GIMAP8: variants seen among roughly 807,000 people sequenced by gnomAD.
The protein encoded by GIMAP8 is GTPase, IMAP family member 8.
A neutral mutation model predicts 35.6 loss-of-function variants in GIMAP8; 29 were observed. That is an observed-to-expected ratio of 0.81 (90% CI 0.61 to 1.11). The LOEUF (loss-of-function observed/expected upper bound fraction) is 1.11, where lower values mean the gene tolerates loss of function less well. Ranked by LOEUF, GIMAP8 falls within the 50% of genes most tolerant of loss-of-function variation. The pLI, the probability that GIMAP8 is intolerant of heterozygous loss-of-function variation, is 0.00. For synonymous variants in GIMAP8, 335 were observed against 308.7 expected (o/e 1.09, Z -0.89); for missense variants, 811 against 805.0 (o/e 1.01, Z -0.09).
intron 1 of GIMAP8, among the ~76,000 whole-genome samples, chr7:150,465,955 G>A (rs759127178): frequency 2.0e-5 from 3 of 152,278 alleles, no homozygotes; most frequent in Middle Eastern, 3.4e-3. Context: ...GACTCAGAAT[G>A]GTTAAGTGGC....
At chr7:150,458,481 C>T (rs1211763846) in intron 1 of GIMAP8, among the ~76,000 whole-genome samples, 1 of 152,160 alleles carries the variant, frequency 6.6e-6, no homozygotes, top group Non-Finnish European at 1.5e-5. Context: ...AATCTTATCG[C>T]AAAACACCCT....
At position 150,477,187 on chromosome 7, in the gene GIMAP8, C is replaced by T. The variant is rs529904898; in HGVS notation, c.1405C>T (p.Arg469Trp). Reference sequence around the variant, plus strand: ...GAGCCTCGTCTTCACCTCTCGGCTCCGGGCCCAGCCAGTCACCAAGACCAG... The same window carrying T: ...GAGCCTCGTCTTCACCTCTCGGCTCTGGGCCCAGCCAGTCACCAAGACCAG... ...LGSLVFTSRLRAQPVTKTSQS... is the reference protein window; with the variant it reads ...LGSLVFTSRLWAQPVTKTSQS... Residue 469 changes from arginine (R) to tryptophan (W), a missense_variant, in exon 5 of 5, where the codon CGG becomes TGG. Arg to Trp is a moderately radical substitution (Grantham distance 101). Transcript: ENST00000307271. 50 of 1,614,082 alleles carry T rather than the reference C, an allele frequency of 3.1e-5. No individual in the cohort carries two copies. The South Asian group carries it at 3.4e-4, about 11-fold the overall frequency.
Position 150,466,742 on chromosome 7 carries a change from T to C in GIMAP8, c.44T>C (p.Leu15Pro). ...CAGATGTCCGAACTGCGGCTCCTCCTCCTGGGAAAATGCCGCTCGGGAAAA... is the reference window on the plus strand; with the variant it reads ...CAGATGTCCGAACTGCGGCTCCTCCCCCTGGGAAAATGCCGCTCGGGAAAA... ...SCQMSELRLL[L>P]LGKCRSGKSA... Residue 15 changes from leucine to proline, a missense_variant, in exon 2 of 5, where the codon CTC (leucine) becomes CCC (proline). By Grantham distance (98) the Leu-to-Pro change is moderately conservative. Coordinates refer to ENST00000307271, the MANE Select transcript of GIMAP8 (RefSeq NM_175571.4). 6.2e-7 allele frequency: 1 copy of C among 1,614,230 alleles called. No homozygotes were observed. Among genetic ancestry groups the C allele is most frequent in the Non-Finnish European group, 8.5e-7 (1 of 1,180,032 alleles).
chr7:150,457,196 C>A (rs1044096945), intron 1 of GIMAP8, among the ~76,000 whole-genome samples: 1 of 152,260 alleles, frequency 6.6e-6, no homozygotes, highest in African/African-American at 2.4e-5. Flanking sequence ...GGCTTGTTAT[C>A]TGCAGCAGGA....
intron 1 of GIMAP8, among the ~76,000 whole-genome samples, chr7:150,460,527 C>T (rs1216158432): frequency 6.6e-6 from 1 of 152,204 alleles, no homozygotes; most frequent in African/African-American, 2.4e-5. Flanking sequence ...TAAAGTTCTG[C>T]CCATTGGGAG....
chr7:150,475,072 G>A (rs59777480), intron 4 of GIMAP8, among the ~76,000 whole-genome samples: 45,047 of 152,036 alleles, frequency 0.3, 6,986 homozygotes, highest in East Asian at 0.41. Flanking sequence ...TTTTATGGCT[G>A]CATAGTATTC....
At position 150,467,007 on chromosome 7, in the gene GIMAP8, C is replaced by T. The variant is rs145682936; in HGVS notation, c.309C>T (p.Ile103=). 7.0e-4 allele frequency: 1,128 copies of T among 1,614,134 alleles called. 2 individuals carry two copies. Among genetic ancestry groups the T allele is most frequent in the African/African-American group, 2.2e-3 (165 of 75,032 alleles). ...SLHALLLVIA[I]GHFTREDEET... ...ATGCTCTGCTCTTGGTAATTGCCAT[C>T]GGCCATTTCACAAGGGAGGATGAGG... The change falls in exon 2 of 5, where the codon ATC becomes ATT. Residue 103 remains isoleucine (I), a synonymous_variant. Coordinates refer to ENST00000307271, the MANE Select transcript of GIMAP8 (RefSeq NM_175571.4).
At chr7:150,452,437 T>C (rs1397281295) in intron 1 of GIMAP8, among the ~76,000 whole-genome samples, 1 of 151,772 alleles carries the variant, frequency 6.6e-6, no homozygotes, top group Non-Finnish European at 1.5e-5. Context: ...GTCGCTTAAT[T>C]GGGAAAGAAA....
At chr7:150,452,587 GTA>G (rs1467779936) in intron 1 of GIMAP8, among the ~76,000 whole-genome samples, 4 of 142,824 alleles carry the variant, frequency 2.8e-5, no homozygotes, top group Non-Finnish European at 4.6e-5. Context: ...ATGTATATAT[GTA>G]TATATATGTA....
chr7:150,476,220 T>C (rs1585121345), intron 4 of GIMAP8, among the ~76,000 whole-genome samples: 2 of 152,264 alleles, frequency 1.3e-5, no homozygotes, highest in East Asian at 1.9e-4. Flanking sequence ...GCTTTCTTCC[T>C]CCTTTGCATT....
At position 150,467,099 on chromosome 7, in the gene GIMAP8, C is replaced by T; in HGVS notation, c.401C>T (p.Thr134Ile). 3.1e-6 allele frequency: 5 copies of T among 1,614,148 alleles called. No homozygotes were observed. The highest frequency in any genetic ancestry group is 4.2e-6 in the Non-Finnish European group (5 of 1,180,022). Reference sequence around the variant, plus strand: ...AGGAGGCACATCATTATTGTCTTCACTCGGAAGGATGATTTGGGGGATGAC... The same window carrying T: ...AGGAGGCACATCATTATTGTCTTCATTCGGAAGGATGATTTGGGGGATGAC... ...EARRHIIIVF[T>I]RKDDLGDDLL... The change falls in exon 2 of 5, where the codon ACT becomes ATT. Residue 134 changes from threonine (T) to isoleucine (I), a missense_variant. Thr to Ile is a moderately conservative substitution (Grantham distance 89). Coordinates refer to ENST00000307271, the MANE Select transcript of GIMAP8 (RefSeq NM_175571.4).
intron 1 of GIMAP8, among the ~76,000 whole-genome samples, chr7:150,452,607 A>ATGTATATATGTATATATG (rs1252424633): frequency 1.4e-5 from 2 of 144,154 alleles, no homozygotes; most frequent in South Asian, 2.2e-4. Context: ...GTATATATGT[A>ATGTATATATGTATATATG]TGTATATATG....
chr7:150,452,695 T>TAC (rs1801643171), intron 1 of GIMAP8, among the ~76,000 whole-genome samples: 1 of 112,254 alleles, frequency 8.9e-6, no homozygotes, highest in Non-Finnish European at 1.8e-5. Context: ...TATATATATA[T>TAC]ATATATATAT....
intron 1 of GIMAP8, among the ~76,000 whole-genome samples, chr7:150,454,263 G>A (rs1801680368): frequency 6.6e-6 from 1 of 152,048 alleles, no homozygotes; most frequent in African/African-American, 2.4e-5. Context: ...GAGTCACTGG[G>A]GGTGGGGGGA....
At chr7:150,456,603 C>T (rs1801735063) in intron 1 of GIMAP8, among the ~76,000 whole-genome samples, 1 of 152,162 alleles carries the variant, frequency 6.6e-6, no homozygotes, top group South Asian at 2.1e-4. Context: ...TGGCAAGGCC[C>T]CTTTTACCAT....
chr7:150,467,045 G>T lies in GIMAP8; in HGVS notation c.347G>T (p.Gly116Val). The T allele has an allele frequency of 6.2e-7, 1 of 1,614,214 alleles. No individual in the cohort carries two copies. The change falls in exon 2 of 5, where the codon GGC (glycine) becomes GTC (valine). Residue 116 changes from glycine (G) to valine (V), a missense_variant. Transcript: ENST00000307271. Reference protein sequence around the residue: ...FTREDEETAKGIQQVFGAEAR... With the variant: ...FTREDEETAKVIQQVFGAEAR... ...AGGGAGGATGAGGAAACAGCCAAGG[G>T]CATCCAACAAGTGTTTGGAGCTGAA...
At position 150,451,369 on chromosome 7, in the gene GIMAP8, G is replaced by C. The variant is rs1801603754; in HGVS notation, c.-29+194G>C. On this transcript the variant is annotated intron_variant, in intron 1 of 4. Coordinates refer to ENST00000307271, the MANE Select transcript of GIMAP8 (RefSeq NM_175571.4). The surrounding 1 kb of genome is among the most constrained non-coding windows in gnomAD (Gnocchi z 4.1). ...AGGCAGCCTGCTCAGCCATGGGAGA[G>C]GAGGCTGGGTTGAATGGCAGGGTTG... Among the ~76,000 whole-genome samples the C allele has an allele frequency of 6.6e-6, 1 of 152,174 alleles. No homozygotes were observed. The highest frequency in any genetic ancestry group is 2.1e-4 in the South Asian group (1 of 4,838).
At chr7:150,468,915 CTT>C (rs1273896668) in intron 2 of GIMAP8, among the ~76,000 whole-genome samples, 4 of 152,164 alleles carry the variant, frequency 2.6e-5, no homozygotes, top group African/African-American at 9.7e-5. Flanking sequence ...CACTTGCTCT[CTT>C]ATCTCCTAGC....
chr7:150,475,360 T>C (rs962656914), intron 4 of GIMAP8, among the ~76,000 whole-genome samples: 23 of 152,358 alleles, frequency 1.5e-4, no homozygotes, highest in Middle Eastern at 3.4e-3. Flanking sequence ...CTTTTCTCTT[T>C]CTTTGCTTCT....
Sources: allele counts gnomAD v4.1 joint callset (sites outside exome capture counted in the v4.1 genomes callset), GRCh38; gene constraint gnomAD v4.1.1; non-coding constraint Gnocchi (gnomAD v3.1); transcripts MANE v1.5; gene names NCBI Gene and HGNC (gene_info 2026-07-23, HGNC 2026-07-21).